NINL: variants seen among roughly 807,000 people sequenced by gnomAD.
NINL encodes ninein-like protein.
A neutral mutation model predicts 160.3 loss-of-function variants in NINL; 153 were observed. The ratio of observed to expected loss-of-function variants is 0.95; its 90% CI spans 0.84 to 1.09. The LOEUF is 1.09. Ranked by LOEUF, NINL falls within the 50% of genes least tolerant of loss-of-function variation. The pLI is 0.00. For missense variants in NINL, 1,829 were observed against 1,764.0 expected (o/e 1.04, Z -0.66); for synonymous variants, 800 against 734.8 (o/e 1.09, Z -1.43).
chr20:25,556,037 T>A (rs1600336155), intron 1 of NINL, among the ~76,000 whole-genome samples: 1 of 151,390 alleles, frequency 6.6e-6, no homozygotes, highest in East Asian at 2.0e-4. Flanking sequence ...TCCCAACACT[T>A]TGGGAGGCCA....
intron 1 of NINL, among the ~76,000 whole-genome samples, chr20:25,561,957 G>GC (rs1474263201): frequency 6.8e-6 from 1 of 146,312 alleles, no homozygotes; most frequent in Non-Finnish European, 1.5e-5. Context: ...TGGGGGGTCA[G>GC]CCCCCCACCC....
In NINL at chr20:25,480,164, G is replaced by T. The variant is rs2063356337; in HGVS notation, c.1914C>A (p.Thr638=). The T allele has an allele frequency of 6.2e-7, 1 of 1,612,188 alleles. No individual in the cohort carries two copies. The highest frequency in any genetic ancestry group is 8.5e-7 in the Non-Finnish European group (1 of 1,178,518). Residue 638 remains threonine (T), a synonymous_variant, in exon 15 of 24, where the codon ACC becomes ACA. Coordinates refer to ENST00000278886, the MANE Select transcript of NINL (RefSeq NM_025176.6). ...HYQDLRTQLE[T]KVNYYEREIA... is the part of the protein sequence containing the mutation. ...CACAGCCCCATAATCCCCTCACCTTGGTCTCCAGCTGGGTCCTGAGGTCTT... is the reference window on the plus strand; with the variant it reads ...CACAGCCCCATAATCCCCTCACCTTTGTCTCCAGCTGGGTCCTGAGGTCTT...
At chr20:25,497,782 C>G (rs2063787546) in intron 9 of NINL, among the ~76,000 whole-genome samples, 1 of 152,170 alleles carries the variant, frequency 6.6e-6, no homozygotes, top group Non-Finnish European at 1.5e-5. Flanking sequence ...CTGGCGCTGG[C>G]AAGCGCCTGC....
Position 25,480,259 on chromosome 20 carries a change from A to C in NINL, c.1819T>G (p.Phe607Val). 6.2e-7 allele frequency: 1 copy of C among 1,613,876 alleles called. No homozygotes were observed. The highest frequency in any genetic ancestry group is 8.5e-7 in the Non-Finnish European group (1 of 1,179,848). ...LPGLGPAGISFLGNSAPVSIE... is the reference protein window; with the variant it reads ...LPGLGPAGISVLGNSAPVSIE... ...CTCACTGGAGCAGAATTACCCAGGA[A>C]TGAAATGCCTGCAAACAAGAGGCCA... The change falls in exon 15 of 24, where the codon TTC (phenylalanine) becomes GTC (valine). Residue 607 changes from phenylalanine to valine, a missense_variant. Coordinates refer to ENST00000278886, the MANE Select transcript of NINL (RefSeq NM_025176.6).
chr20:25,504,051 A>T lies in NINL; in HGVS notation c.762T>A (p.Ser254Arg), dbSNP rs1382390651. 1 of 1,608,572 alleles carries T rather than the reference A, an allele frequency of 6.2e-7. No homozygotes were observed. Among genetic ancestry groups the T allele is most frequent in the Admixed American group, 1.7e-5 (1 of 58,982 alleles). Residue 254 changes from serine (S) to arginine (R), a missense_variant, in exon 7 of 24, where the codon AGT (serine) becomes AGA (arginine). Transcript: ENST00000278886. ...AGAGGCCAAGCTGGAATTCCTCAAG[A>T]CTCACTTTGCCGTCTCCGTCTTGAT... ...KLDQDGDGKVSLEEFQLGLFS... is the reference protein window; with the variant it reads ...KLDQDGDGKVRLEEFQLGLFS...
At position 25,459,756 on chromosome 20, in the gene NINL, A is replaced by AGG. The variant is rs1019197686; in HGVS notation, c.3697-1229_3697-1228dup. Among the ~76,000 whole-genome samples the AGG allele has an allele frequency of 1.6e-4, 24 of 152,302 alleles. 1 individual carries two copies. The highest frequency in any genetic ancestry group is 4.1e-4 in the South Asian group (2 of 4,830). The stretch of plus-strand genomic sequence containing the variant: ...CACAGCATGGCCAGGGTCCAGCCCA[A>AGG]GGGGGATCTCTGCCCATGGTGGGCA... On this transcript the variant is annotated intron_variant, in intron 21 of 23. Transcript: ENST00000278886.
intron 1 of NINL, among the ~76,000 whole-genome samples, chr20:25,551,506 G>A (rs1026315487): frequency 6.6e-6 from 1 of 152,188 alleles, no homozygotes; most frequent in African/African-American, 2.4e-5. Context: ...ATCAGCAGAG[G>A]TTTATTGAGC....
chr20:25,457,324 AAAAAC>A (rs142842454), intron 22 of NINL, among the ~76,000 whole-genome samples: 14,555 of 152,120 alleles, frequency 0.096, 749 homozygotes, highest in Non-Finnish European at 0.11. Context: ...CTCTGTCTCA[AAAAAC>A]AAAACAAAAC....
intron 14 of NINL, among the ~76,000 whole-genome samples, chr20:25,481,367 C>A (rs747316979): frequency 6.6e-6 from 1 of 152,204 alleles, no homozygotes; most frequent in Non-Finnish European, 1.5e-5. Context: ...ACCTCAAGGG[C>A]GGCTGCAGCA....
intron 10 of NINL, among the ~76,000 whole-genome samples, chr20:25,493,731 C>T (rs1410247448): frequency 2.0e-5 from 3 of 152,092 alleles, no homozygotes; most frequent in South Asian, 2.1e-4. Flanking sequence ...GTTCAGCTGA[C>T]GGAGACCACA....
Position 25,495,506 on chromosome 20 carries a change from G to T in NINL, c.1310+1157C>A, listed in dbSNP as rs183145634. ...ACCTGCAGACCAAGAACCCAAGGGC[G>T]TGGGGACAACAGGGCCAGGACTGCA... On this transcript the variant is annotated intron_variant, in intron 10 of 23. Coordinates refer to ENST00000278886, the MANE Select transcript of NINL (RefSeq NM_025176.6). Among the ~76,000 whole-genome samples the T allele has an allele frequency of 1.8e-4, 28 of 152,320 alleles. No individual in the cohort carries two copies. The East Asian group carries it at 5.4e-3, about 29-fold the overall frequency.
chr20:25,473,519 A>AAAATT (rs1427195927), intron 17 of NINL, among the ~76,000 whole-genome samples: 1 of 150,860 alleles, frequency 6.6e-6, no homozygotes, highest in Non-Finnish European at 1.5e-5. Context: ...AAAATAAAAT[A>AAAATT]AAATAAAATA....
intron 1 of NINL, among the ~76,000 whole-genome samples, chr20:25,574,800 T>A (rs1409529783): frequency 6.6e-6 from 1 of 151,308 alleles, no homozygotes; most frequent in Admixed American, 6.6e-5. Flanking sequence ...GATGTGGGCA[T>A]GAGGGGCTGA....
intron 3 of NINL, among the ~76,000 whole-genome samples, chr20:25,514,278 C>T (rs1453746339): frequency 2.6e-5 from 4 of 152,188 alleles, no homozygotes; most frequent in Non-Finnish European, 5.9e-5. Context: ...GAACAAGCCA[C>T]CTCTACCCTA....
intron 1 of NINL, among the ~76,000 whole-genome samples, chr20:25,582,395 C>A (rs995591640): frequency 2.6e-5 from 4 of 152,116 alleles, no homozygotes; most frequent in Admixed American, 1.3e-4. Flanking sequence ...GTAATCCCAG[C>A]ATTTTGGGAG....
intron 1 of NINL, among the ~76,000 whole-genome samples, chr20:25,565,213 A>G (rs914717253): frequency 2.6e-5 from 4 of 152,236 alleles, no homozygotes; most frequent in African/African-American, 4.8e-5. Flanking sequence ...AACCATTTTG[A>G]AAAATGCCCA....
At chr20:25,512,536 G>A (rs2064089008) in intron 4 of NINL, among the ~76,000 whole-genome samples, 3 of 152,144 alleles carry the variant, frequency 2.0e-5, no homozygotes, top group South Asian at 2.1e-4. Context: ...TTTGCCTTCC[G>A]CCACGATTGT....
At chr20:25,545,429 G>A (rs1456688504) in intron 1 of NINL, among the ~76,000 whole-genome samples, 1 of 152,008 alleles carries the variant, frequency 6.6e-6, no homozygotes, top group Non-Finnish European at 1.5e-5. Context: ...TCATACATTG[G>A]CATGTCCTCA....
At chr20:25,505,123 A>C in intron 5 of NINL, 45 bp from the exon 6 acceptor site, 1 of 1,475,292 alleles carries the variant, frequency 6.8e-7, no homozygotes, top group Non-Finnish European at 9.1e-7. Context: ...TACATACACA[A>C]TGGAGCACGA....
Sources: allele counts gnomAD v4.1 joint callset (sites outside exome capture counted in the v4.1 genomes callset), GRCh38; gene constraint gnomAD v4.1.1; transcripts MANE v1.5; gene names NCBI Gene and HGNC (gene_info 2026-07-23, HGNC 2026-07-21).